Variants in NCAM2 observed in about 807,000 individuals in gnomAD.
NCAM2 encodes the protein N-CAM-2.
A neutral mutation model predicts 98.1 loss-of-function variants in NCAM2; 30 were observed. That is an observed-to-expected ratio of 0.31 (90% confidence interval 0.23 to 0.41). NCAM2 has a LOEUF of 0.41. Among genes scored for constraint, NCAM2 ranks in the 10% least tolerant of loss-of-function variants. The probability of loss-of-function intolerance (pLI) is 1.00; values close to 1 mark genes in which losing one functional copy is unlikely to be tolerated. For synonymous variants in NCAM2, 368 were observed against 342.4 expected (o/e 1.07, Z -0.83); for missense variants, 867 against 1,005.8 (o/e 0.86, Z 1.87).
In NCAM2 at chr21:21,223,019, T is replaced by TA. The variant is rs201575465; in HGVS notation, c.56-57550dup. Among the ~76,000 whole-genome samples, 1,357 of 151,736 alleles carry TA rather than the reference T, an allele frequency of 8.9e-3. 25 individuals carry two copies. The highest frequency in any genetic ancestry group is 0.03 in the African/African-American group (1,259 of 41,422). On this transcript the variant is annotated intron_variant, in intron 1 of 17. Transcript: ENST00000400546. ...ACGTTGATGCAAAACCCTCCACCAG[T>TA]AAAAAAAAATTTACTTCTTACATAC... is the stretch of plus-strand genomic sequence containing the variant.
At chr21:21,529,033 T>C (rs2146410502) in intron 16 of NCAM2, among the ~76,000 whole-genome samples, 1 of 152,284 alleles carries the variant, frequency 6.6e-6, no homozygotes, top group South Asian at 2.1e-4. Context: ...TGAATCATTT[T>C]CATCCTTTCT....
At position 21,482,364 on chromosome 21, in the gene NCAM2, A is replaced by G. The variant is rs1985968825; in HGVS notation, c.2077+4893A>G. 2.0e-5 allele frequency among the ~76,000 whole-genome samples: 3 copies of G among 152,170 alleles called. No individual in the cohort carries two copies. The South Asian group carries it at 6.2e-4, about 31-fold the overall frequency. On this transcript the variant is annotated intron_variant, in intron 15 of 17. Transcript: ENST00000400546. ...TTTATTTTTCATTTTAAAATGAAATATAAATTCAAACATATTAGAAATAAG... is the reference window on the plus strand; with the variant it reads ...TTTATTTTTCATTTTAAAATGAAATGTAAATTCAAACATATTAGAAATAAG...
At chr21:21,186,637 A>C in intron 1 of NCAM2, among the ~76,000 whole-genome samples, 1 of 152,282 alleles carries the variant, frequency 6.6e-6, no homozygotes, top group Non-Finnish European at 1.5e-5. Context: ...GTAAAAGGTT[A>C]AAATATGAAA....
At chr21:21,170,965 G>A (rs890743401) in intron 1 of NCAM2, among the ~76,000 whole-genome samples, 5 of 151,998 alleles carry the variant, frequency 3.3e-5, no homozygotes, top group African/African-American at 7.2e-5. Context: ...AAAATGTTAC[G>A]AGTTGTGAAC....
chr21:21,335,483 G>A, intron 6 of NCAM2, 22 bp from the exon 7 acceptor site: 1 of 1,573,176 alleles, frequency 6.4e-7, no homozygotes, highest in Non-Finnish European at 8.6e-7. Context: ...CTGTGAGGAT[G>A]AACCTCTTTT....
chr21:21,325,469 A>C (rs1192589341), intron 6 of NCAM2, among the ~76,000 whole-genome samples: 1 of 152,152 alleles, frequency 6.6e-6, no homozygotes, highest in Non-Finnish European at 1.5e-5. Context: ...ACAATAAATG[A>C]GATGTTTCTT....
At chr21:21,365,716 G>A (rs1002989024) in intron 8 of NCAM2, among the ~76,000 whole-genome samples, 5 of 151,900 alleles carry the variant, frequency 3.3e-5, no homozygotes, top group African/African-American at 4.8e-5. Context: ...GAGAGATGCC[G>A]ATGATATAAA....
At chr21:21,478,897 T>A (rs1569105197) in intron 15 of NCAM2, among the ~76,000 whole-genome samples, 1 of 152,124 alleles carries the variant, frequency 6.6e-6, no homozygotes, top group Non-Finnish European at 1.5e-5. Context: ...AGATAACACA[T>A]CTAAATAAGA....
intron 9 of NCAM2, among the ~76,000 whole-genome samples, chr21:21,388,812 CTTAT>C (rs2076322795): frequency 6.6e-6 from 1 of 151,970 alleles, no homozygotes; most frequent in Non-Finnish European, 1.5e-5. Context: ...AATCTAGTGG[CTTAT>C]TTGAGATATG....
chr21:21,037,350 A>T (rs962968909), intron 1 of NCAM2, among the ~76,000 whole-genome samples: 3 of 152,212 alleles, frequency 2.0e-5, no homozygotes, highest in African/African-American at 7.2e-5. Flanking sequence ...ATATAATTTT[A>T]TACCCATAGT....
chr21:21,144,561 T>TC (rs2067233442), intron 1 of NCAM2, among the ~76,000 whole-genome samples: 1 of 105,084 alleles, frequency 9.5e-6, no homozygotes, highest in African/African-American at 3.6e-5. Flanking sequence ...AAGGTCTCAA[T>TC]TTCCTAAAAT....
intron 1 of NCAM2, among the ~76,000 whole-genome samples, chr21:21,156,041 T>C (rs2067601810): frequency 6.6e-6 from 1 of 152,016 alleles, no homozygotes; most frequent in African/African-American, 2.4e-5. Context: ...GTAGTAGTCA[T>C]ACTGTCTGCT....
chr21:21,504,318 C>T (rs1250324083), intron 15 of NCAM2, among the ~76,000 whole-genome samples: 2 of 151,908 alleles, frequency 1.3e-5, no homozygotes, highest in South Asian at 2.1e-4. Context: ...GTTTTCCTAC[C>T]TTATAAAGTT....
chr21:21,456,465 A>G (rs1171519109), intron 12 of NCAM2, among the ~76,000 whole-genome samples: 1 of 152,202 alleles, frequency 6.6e-6, no homozygotes, highest in East Asian at 1.9e-4. Flanking sequence ...GATAATCAGC[A>G]TGGATTTACA....
chr21:21,300,715 T>G (rs909061955), intron 5 of NCAM2, among the ~76,000 whole-genome samples: 3 of 152,196 alleles, frequency 2.0e-5, no homozygotes, highest in Non-Finnish European at 2.9e-5. Context: ...ATTTCTTTAA[T>G]TTTTAATTAT....
At chr21:21,122,049 A>G (rs2066687117) in intron 1 of NCAM2, among the ~76,000 whole-genome samples, 1 of 152,198 alleles carries the variant, frequency 6.6e-6, no homozygotes, top group Admixed American at 6.5e-5. Flanking sequence ...GGTTTTAGAG[A>G]GAACAAAAAT....
At chr21:21,496,528 GTT>G (rs1987248712) in intron 15 of NCAM2, among the ~76,000 whole-genome samples, 2 of 151,966 alleles carry the variant, frequency 1.3e-5, no homozygotes, top group African/African-American at 2.4e-5. Context: ...TGTAGGATGC[GTT>G]GTTCGTGAAT....
chr21:21,056,201 A>T (rs1601226296), intron 1 of NCAM2, among the ~76,000 whole-genome samples: 1 of 152,214 alleles, frequency 6.6e-6, no homozygotes, highest in East Asian at 1.9e-4. Flanking sequence ...TAAGATCTAA[A>T]CATGGAATCA....
intron 1 of NCAM2, among the ~76,000 whole-genome samples, chr21:21,000,336 CTT>C (rs1219205494): frequency 6.6e-6 from 1 of 152,102 alleles, no homozygotes; most frequent in East Asian, 1.9e-4. Context: ...TTTATGCAGA[CTT>C]AGGATTACAT....
Sources: gnomAD v4.1 joint callset for allele counts (sites outside exome capture counted in the v4.1 genomes callset) on GRCh38, gnomAD v4.1.1 for gene constraint, MANE v1.5 for transcripts, NCBI Gene and HGNC (gene_info 2026-07-23, HGNC 2026-07-21) for gene names.